IQCH: variants seen among roughly 807,000 people sequenced by gnomAD.
The protein encoded by IQCH is IQ domain-containing protein H.
IQCH carries 98 observed loss-of-function variants against 117.0 expected under a neutral mutation model. The observed-to-expected ratio is 0.84, with a 90% CI of 0.71 to 0.99. The LOEUF (loss-of-function observed/expected upper bound fraction) is 0.99, where lower values mean the gene tolerates loss of function less well. Among genes scored for constraint, IQCH ranks in the 50% least tolerant of loss-of-function variants. The pLI, the probability that IQCH is intolerant of heterozygous loss-of-function variation, is 0.00. For missense variants in IQCH, 1,102 were observed against 1,243.8 expected (o/e 0.89, Z 1.72); for synonymous variants, 412 against 448.2 (o/e 0.92, Z 1.02).
chr15:67,264,880 C>T (rs1195841639), intron 3 of IQCH, among the ~76,000 whole-genome samples: 2 of 147,064 alleles, frequency 1.4e-5, no homozygotes, highest in Non-Finnish European at 3.0e-5. Context: ...TTTCTCTCTC[C>T]CTCCCCTACC....
chr15:67,386,391 T>G lies in IQCH; in HGVS notation c.1456+1372T>G, dbSNP rs1460952933. Reference sequence around the variant, plus strand: ...AATATTTTGCTTATATGAACATTTCTGAGAGATTATGAACCAAATGCTTTT... The same window carrying G: ...AATATTTTGCTTATATGAACATTTCGGAGAGATTATGAACCAAATGCTTTT... On this transcript the variant is annotated intron_variant, in intron 11 of 20. Transcript: ENST00000335894. This position sits in a 1 kb window ranked among gnomAD's most constrained non-coding sequence, Gnocchi z 5.0. Among the ~76,000 whole-genome samples, 2 of 152,194 alleles carry G rather than the reference T, an allele frequency of 1.3e-5. No homozygotes were observed. Among genetic ancestry groups the G allele is most frequent in the Non-Finnish European group, 2.9e-5 (2 of 68,028 alleles).
At chr15:67,295,492 A>G (rs529656917) in intron 4 of IQCH, among the ~76,000 whole-genome samples, 17 of 152,190 alleles carry the variant, frequency 1.1e-4, no homozygotes, top group East Asian at 1.9e-4. Context: ...GGATGAGTCT[A>G]TGATGCTGGA....
intron 4 of IQCH, among the ~76,000 whole-genome samples, chr15:67,321,156 T>G (rs7177772): frequency 0.67 from 101,725 of 151,902 alleles, 34,801 homozygotes; most frequent in Middle Eastern, 0.84. Flanking sequence ...CTGTTTTTTG[T>G]GGGGGATTGG....
At chr15:67,471,964 C>T (rs2141037509) in intron 17 of IQCH, among the ~76,000 whole-genome samples, 1 of 152,298 alleles carries the variant, frequency 6.6e-6, no homozygotes, top group South Asian at 2.1e-4. Flanking sequence ...AGATAATTGA[C>T]AAAGTCCCTA....
At position 67,421,479 on chromosome 15, in the gene IQCH, T is replaced by C; in HGVS notation, c.2407T>C (p.Cys803Arg). The change falls in exon 16 of 21, where the codon TGC becomes CGC. Residue 803 changes from cysteine (C) to arginine (R), a missense_variant. Cys to Arg is a radical substitution (Grantham distance 180, BLOSUM62 -3). Around this residue, in one of 2 missense-constraint regions of IQCH, gnomAD observed 650 missense variants for 794.3 expected, o/e 0.82. Coordinates refer to ENST00000335894, the MANE Select transcript of IQCH (RefSeq NM_001031715.3). ...SVDPQVLTYLCLQIGKACRMR... is the reference protein window; with the variant it reads ...SVDPQVLTYLRLQIGKACRMR... Reference sequence around the variant, plus strand: ...GGATCCCCAAGTTCTCACTTATTTGTGCCTCCAAATTGGAAAAGCCTGCAG... The same window carrying C: ...GGATCCCCAAGTTCTCACTTATTTGCGCCTCCAAATTGGAAAAGCCTGCAG... 1.9e-6 allele frequency: 3 copies of C among 1,614,192 alleles called. No homozygotes were observed. The highest frequency in any genetic ancestry group is 2.5e-6 in the Non-Finnish European group (3 of 1,180,020).
Position 67,407,277 on chromosome 15 carries a change from G to A in IQCH, c.2097+6972G>A, listed in dbSNP as rs1419670836. The A allele has an allele frequency of 6.6e-6, 1 of 152,232 alleles. No homozygotes were observed. Among genetic ancestry groups the A allele is most frequent in the Non-Finnish European group, 1.5e-5 (1 of 68,048 alleles). 9.4% of individuals were successfully genotyped at this position (152,232 alleles called of 1,614,324 possible). Reference sequence around the variant, plus strand: ...GACAAAGTAGAGATTATTCTGACCGGAAGATTGCAACCCAGTGGCTTTATT... The same window carrying A: ...GACAAAGTAGAGATTATTCTGACCGAAAGATTGCAACCCAGTGGCTTTATT... On this transcript the variant is annotated intron_variant, in intron 14 of 20. Coordinates refer to ENST00000335894, the MANE Select transcript of IQCH (RefSeq NM_001031715.3). This position sits in a 1 kb window ranked among gnomAD's most constrained non-coding sequence, Gnocchi z 5.3.
intron 4 of IQCH, among the ~76,000 whole-genome samples, chr15:67,310,382 T>G (rs1052260374): frequency 6.6e-6 from 1 of 152,062 alleles, no homozygotes; most frequent in African/African-American, 2.4e-5. Flanking sequence ...TTTGTACTAG[T>G]CATATTTTGA....
In IQCH at chr15:67,323,753, C is replaced by T. The variant is rs189805372; in HGVS notation, c.388-13222C>T. Among the ~76,000 whole-genome samples, 14 of 151,956 alleles carry T rather than the reference C, an allele frequency of 9.2e-5. No individual in the cohort carries two copies. In the East Asian group the frequency reaches 1.5e-3, roughly 17 times the overall value. On this transcript the variant is annotated intron_variant, in intron 4 of 20. Transcript: ENST00000335894. ...TTGACCTCCCAATTTTTTGTGCTAT[C>T]GTTATCATCTACTTTACATATATTA...
At position 67,387,162 on chromosome 15, in the gene IQCH, C is replaced by A. The variant is rs767721393; in HGVS notation, c.1457-1669C>A. On this transcript the variant is annotated intron_variant, in intron 11 of 20. Coordinates refer to ENST00000335894, the MANE Select transcript of IQCH (RefSeq NM_001031715.3). This position sits in a 1 kb window ranked among gnomAD's most constrained non-coding sequence, Gnocchi z 4.8. ...AATTTGATGATTCAGCAATTGGATGCAAGTTATTTACTTACTGCCTCCTCA... is the reference window on the plus strand; with the variant it reads ...AATTTGATGATTCAGCAATTGGATGAAAGTTATTTACTTACTGCCTCCTCA... Among the ~76,000 whole-genome samples the A allele has an allele frequency of 5.9e-5, 9 of 152,080 alleles. No individual in the cohort carries two copies. The highest frequency in any genetic ancestry group is 7.4e-5 in the Non-Finnish European group (5 of 67,996).
chr15:67,351,165 T>G (rs887953633), intron 6 of IQCH, among the ~76,000 whole-genome samples: 1 of 152,210 alleles, frequency 6.6e-6, no homozygotes, highest in African/African-American at 2.4e-5. Flanking sequence ...GGTGGTTTGC[T>G]GCACCTATCA....
chr15:67,269,524 G>A (rs1311914315), intron 3 of IQCH, among the ~76,000 whole-genome samples: 1 of 152,096 alleles, frequency 6.6e-6, no homozygotes, highest in Non-Finnish European at 1.5e-5. Context: ...ATTTTGAAAT[G>A]TACAGTAGAG....
At chr15:67,346,919 A>G (rs568373047) in intron 6 of IQCH, among the ~76,000 whole-genome samples, 29 of 152,280 alleles carry the variant, frequency 1.9e-4, no homozygotes, top group Middle Eastern at 3.4e-3. Flanking sequence ...ACACACTTCT[A>G]AATAACCCGT....
rs573079237 is a variant in IQCH at position 67,308,249 on chromosome 15, C to T, written c.388-28726C>T. Among the ~76,000 whole-genome samples the T allele has an allele frequency of 1.3e-3, 202 of 152,266 alleles. 1 individual carries two copies. The highest frequency in any genetic ancestry group is 4.6e-4 in the Non-Finnish European group (31 of 68,016). On this transcript the variant is annotated intron_variant, in intron 4 of 20. Transcript: ENST00000335894. Reference sequence around the variant, plus strand: ...TTTTCCAAAAACAGATGTGGGTATTCACTCAAGTTCTGCATCTATTCTTTC... The same window carrying T: ...TTTTCCAAAAACAGATGTGGGTATTTACTCAAGTTCTGCATCTATTCTTTC...
chr15:67,381,633 A>G lies in IQCH; in HGVS notation c.1373-3303A>G, dbSNP rs1970931276. The stretch of plus-strand genomic sequence containing the variant: ...TTCTCCAGCTTAGAGACCCAATTTT[A>G]GAAGAGTTGAAAGAAGGGGGAGTGA... On this transcript the variant is annotated intron_variant, in intron 10 of 20. Transcript: ENST00000335894. The surrounding 1 kb of genome is among the most constrained non-coding windows in gnomAD (Gnocchi z 5.1). Among the ~76,000 whole-genome samples the G allele has an allele frequency of 6.6e-6, 1 of 152,158 alleles. No individual in the cohort carries two copies. The highest frequency in any genetic ancestry group is 1.9e-4 in the East Asian group (1 of 5,184).
At chr15:67,301,430 A>G (rs4776353) in intron 4 of IQCH, among the ~76,000 whole-genome samples, 120,673 of 122,210 alleles carry the variant, frequency 0.99, 59,578 homozygotes, top group Middle Eastern at 1. Flanking sequence ...TTTTTTTTGA[A>G]ACCGAGTCTC....
At chr15:67,350,873 G>T (rs1294761052) in intron 6 of IQCH, among the ~76,000 whole-genome samples, 1 of 152,156 alleles carries the variant, frequency 6.6e-6, no homozygotes, top group African/African-American at 2.4e-5. Context: ...AATAATGGGG[G>T]AGGGACACCT....
At position 67,370,273 on chromosome 15, in the gene IQCH, TC is replaced by T. The variant is rs1250257574; in HGVS notation, c.754-1837del. On this transcript the variant is annotated intron_variant, in intron 8 of 20. Coordinates refer to ENST00000335894, the MANE Select transcript of IQCH (RefSeq NM_001031715.3). This position sits in a 1 kb window ranked among gnomAD's most constrained non-coding sequence, Gnocchi z 5.6. Reference sequence around the variant, plus strand: ...CAGAATATTGCCAAGAAGACAAGATTCTCTGGCAAATCTCCCATCGATAGCT... The same window carrying T: ...CAGAATATTGCCAAGAAGACAAGATTTCTGGCAAATCTCCCATCGATAGCT... Among the ~76,000 whole-genome samples, 1 of 152,150 alleles carries T rather than the reference TC, an allele frequency of 6.6e-6. No individual in the cohort carries two copies. Among genetic ancestry groups the T allele is most frequent in the African/African-American group, 2.4e-5 (1 of 41,420 alleles).
At position 67,475,672 on chromosome 15, in the gene IQCH, A is replaced by T; in HGVS notation, c.2677-24A>T. The T allele has an allele frequency of 6.2e-7, 1 of 1,605,304 alleles. No individual in the cohort carries two copies. The highest frequency in any genetic ancestry group is 1.1e-5 in the South Asian group (1 of 89,300). ...ACAAGTTTATTTAAATATCTGTTTA[A>T]TATTCAGTTGTGCTCCTTTCCAGAT... On this transcript the variant is annotated intron_variant, in intron 17 of 20. Coordinates refer to ENST00000335894, the MANE Select transcript of IQCH (RefSeq NM_001031715.3). This position sits in a 1 kb window ranked among gnomAD's most constrained non-coding sequence, Gnocchi z 5.7.
At chr15:67,372,016 A>G in intron 8 of IQCH, 95 bp from the exon 9 acceptor site, 1 of 1,069,460 alleles carries the variant, frequency 9.4e-7, no homozygotes, top group Non-Finnish European at 1.3e-6. Flanking sequence ...CCCACCATTG[A>G]ATGCTAAATG....
Sources: gnomAD v4.1 joint callset for allele counts (sites outside exome capture counted in the v4.1 genomes callset) on GRCh38, gnomAD v4.1.1 for gene constraint, gnomAD v4.1.1 regional missense constraint, Gnocchi (gnomAD v3.1) non-coding constraint, MANE v1.5 for transcripts, NCBI Gene and HGNC (gene_info 2026-07-23, HGNC 2026-07-21) for gene names.